GLIS3: variants seen among roughly 807,000 people sequenced by gnomAD.
The protein encoded by GLIS3 is zinc finger protein GLIS3.
In GLIS3, 53 loss-of-function variants were observed where a neutral mutation model predicts 78.6. That is an observed-to-expected ratio of 0.67 (90% CI 0.54 to 0.85). The LOEUF is 0.85. Among genes scored for constraint, GLIS3 ranks in the 40% least tolerant of loss-of-function variants. The pLI is 0.00. For synonymous variants in GLIS3, 684 were observed against 509.9 expected (o/e 1.34, Z -4.60); for missense variants, 1,703 against 1,231.1 (o/e 1.38, Z -5.74).
intron 8 of GLIS3, among the ~76,000 whole-genome samples, chr9:3,875,885 C>A (rs1263352451): frequency 6.6e-6 from 1 of 152,180 alleles, no homozygotes; most frequent in South Asian, 2.1e-4. Flanking sequence ...TCCATTTCCC[C>A]TTCCATGATT....
chr9:3,874,632 A>T (rs1821183287), intron 8 of GLIS3, among the ~76,000 whole-genome samples: 1 of 151,886 alleles, frequency 6.6e-6, no homozygotes, highest in African/African-American at 2.4e-5. Flanking sequence ...GGAATCTGAC[A>T]CTCTCTCCAA....
chr9:3,991,853 G>A (rs1820313398), intron 4 of GLIS3, among the ~76,000 whole-genome samples: 1 of 151,862 alleles, frequency 6.6e-6, no homozygotes. Context: ...ACCATGCCTG[G>A]CTAATTTTTT....
chr9:4,342,353 T>A (rs1817844529), intron 2 of GLIS3, among the ~76,000 whole-genome samples: 1 of 152,224 alleles, frequency 6.6e-6, no homozygotes, highest in South Asian at 2.1e-4. Flanking sequence ...GGTGCTTTCA[T>A]CGCTTTCCCC....
intron 4 of GLIS3, among the ~76,000 whole-genome samples, chr9:3,967,034 C>CAAAAAAA (rs1307568514): frequency 1.1e-5 from 1 of 94,354 alleles, no homozygotes; most frequent in Non-Finnish European, 2.0e-5. Flanking sequence ...AAAAAAAAAA[C>CAAAAAAA]AAAAAAACAT....
intron 4 of GLIS3, among the ~76,000 whole-genome samples, chr9:3,958,322 G>A (rs2130871204): frequency 6.6e-6 from 1 of 152,180 alleles, no homozygotes; most frequent in African/African-American, 2.4e-5. Context: ...GCTATGCCAT[G>A]GGCCAGACGC....
intron 2 of GLIS3, among the ~76,000 whole-genome samples, chr9:4,235,746 C>T (rs542233100): frequency 6.6e-6 from 1 of 152,134 alleles, no homozygotes; most frequent in South Asian, 2.1e-4. Flanking sequence ...TGGATGAAAA[C>T]CAAGATCATT....
chr9:4,462,543 A>C, the GLIS3 span, among the ~76,000 whole-genome samples: 8 of 151,864 alleles, frequency 5.3e-5, no homozygotes, highest in African/African-American at 1.9e-4. Flanking sequence ...CATTGCTTGA[A>C]GCCAGGAGTT....
chr9:4,359,707 G>A, the GLIS3 span, among the ~76,000 whole-genome samples: 2 of 152,082 alleles, frequency 1.3e-5, no homozygotes, highest in African/African-American at 4.8e-5. Flanking sequence ...ATTGGCTCTT[G>A]GGAGTACAAT....
chr9:4,460,361 G>C, the GLIS3 span, among the ~76,000 whole-genome samples: 1 of 152,184 alleles, frequency 6.6e-6, no homozygotes, highest in African/African-American at 2.4e-5. Context: ...GATTGAACAA[G>C]AAAATGTAGT....
the GLIS3 span, among the ~76,000 whole-genome samples, chr9:4,479,889 C>T: frequency 6.8e-6 from 1 of 146,216 alleles, no homozygotes; most frequent in Non-Finnish European, 1.5e-5. Context: ...CTTGACCACA[C>T]AATAATTTCT....
At chr9:4,083,263 T>C (rs117296258) in intron 4 of GLIS3, among the ~76,000 whole-genome samples, 188 of 152,284 alleles carry the variant, frequency 1.2e-3, no homozygotes, top group Admixed American at 4.3e-3. Flanking sequence ...TGGGCAGCAA[T>C]AGAGCACAAA....
the GLIS3 span, among the ~76,000 whole-genome samples, chr9:4,464,546 C>G: frequency 6.6e-6 from 1 of 152,016 alleles, no homozygotes; most frequent in Non-Finnish European, 1.5e-5. Flanking sequence ...AAGTGCCCAC[C>G]ACAACACCAG....
chr9:3,916,449 T>G (rs1237741634), intron 6 of GLIS3, among the ~76,000 whole-genome samples: 2 of 152,234 alleles, frequency 1.3e-5, no homozygotes, highest in Non-Finnish European at 2.9e-5. Context: ...GTTCAAAGTA[T>G]GTTTTGTTGG....
At chr9:4,398,718 T>C in the GLIS3 span, among the ~76,000 whole-genome samples, 28 of 151,768 alleles carry the variant, frequency 1.8e-4, no homozygotes, top group African/African-American at 6.6e-4. Context: ...AGACAGAGTT[T>C]CACTCTGTCA....
chr9:4,097,703 C>T lies in GLIS3; in HGVS notation c.1710+20065G>A, dbSNP rs73643703. Among the ~76,000 whole-genome samples, 386 of 152,262 alleles carry T rather than the reference C, an allele frequency of 2.5e-3. 2 individuals are homozygous for T. The highest frequency in any genetic ancestry group is 9.0e-3 in the African/African-American group (372 of 41,558). Reference sequence around the variant, plus strand: ...TGCTATTGTTGTTGAATGTGAAGCACACTGAATTGCTCAATATGAAAAACA... The same window carrying T: ...TGCTATTGTTGTTGAATGTGAAGCATACTGAATTGCTCAATATGAAAAACA... On this transcript the variant is annotated intron_variant, in intron 4 of 10. Transcript: ENST00000381971.
chr9:3,850,448 T>G (rs959744007), intron 9 of GLIS3, among the ~76,000 whole-genome samples: 11 of 152,250 alleles, frequency 7.2e-5, no homozygotes, highest in African/African-American at 2.7e-4. Flanking sequence ...AAAGACTGTA[T>G]GTGAACAAAC....
At chr9:4,475,537 C>A in the GLIS3 span, among the ~76,000 whole-genome samples, 3 of 151,982 alleles carry the variant, frequency 2.0e-5, no homozygotes, top group East Asian at 5.8e-4. Flanking sequence ...ATGGATACAC[C>A]CACACAGTGT....
rs1404940593 is a variant in GLIS3, at chr9:3,828,092, T to A, written c.*180A>T. On this transcript the variant is annotated 3_prime_UTR_variant, in exon 11 of 11. Coordinates refer to ENST00000381971, the MANE Select transcript of GLIS3 (RefSeq NM_001042413.2). ...AACCAGAGAGAAAAAGGAGCAACTG[T>A]AATGATTCCTGCAAAGCTAGCTCTG... 2.9e-6 allele frequency: 2 copies of A among 682,062 alleles called. No homozygotes were observed. The highest frequency in any genetic ancestry group is 3.6e-5 in the African/African-American group (2 of 55,948). The allele number at this position is 682,062 out of a possible 1,614,324, so 42.3% of individuals were successfully genotyped here.
At chr9:3,847,818 T>C (rs1441145577) in intron 9 of GLIS3, among the ~76,000 whole-genome samples, 1 of 152,246 alleles carries the variant, frequency 6.6e-6, no homozygotes, top group Non-Finnish European at 1.5e-5. Context: ...GGGGTAATTT[T>C]GTAGTAATTA....
Sources: allele counts gnomAD v4.1 joint callset (sites outside exome capture counted in the v4.1 genomes callset), GRCh38; gene constraint gnomAD v4.1.1; transcripts MANE v1.5; gene names NCBI Gene and HGNC (gene_info 2026-07-23, HGNC 2026-07-21).